ABHD2: variants seen among roughly 807,000 people sequenced by gnomAD.
ABHD2 encodes monoacylglycerol lipase ABHD2.
In ABHD2, 20 loss-of-function variants were observed where a neutral mutation model predicts 48.1. That is an observed-to-expected ratio of 0.42 (90% confidence interval 0.29 to 0.60). The LOEUF is 0.60. Ranked by LOEUF, ABHD2 falls within the 20% of genes least tolerant of loss-of-function variation. The pLI, the probability that ABHD2 is intolerant of heterozygous loss-of-function variation, is 0.24. For synonymous variants in ABHD2, 209 were observed against 214.2 expected, an observed-to-expected ratio of 0.98 and a Z score of 0.21; for missense variants, 405 against 550.9, an observed-to-expected ratio of 0.74 and a Z score of 2.65.
chr15:89,116,259 G>T lies in ABHD2; in HGVS notation c.-6-63G>T. 1.4e-6 allele frequency: 2 copies of T among 1,460,480 alleles called. No homozygotes were observed. The highest frequency in any genetic ancestry group is 1.3e-5 in the South Asian group (1 of 78,722). The allele number at this position is 1,460,480 out of a possible 1,614,324, so 90.5% of individuals were successfully genotyped here. A position where few individuals can be genotyped will look rare whatever the true frequency, so the allele number is the denominator to read the frequency against. On this transcript the variant is annotated intron_variant, in intron 2 of 10. Transcript: ENST00000352732. The surrounding 1 kb of genome is among the most constrained non-coding windows in gnomAD (Gnocchi z 4.6). ...CTCTTAGCCCACCATGCGTCTGTAGGGTGGTGGGCACCACCCGTCCTCACT... is the reference window on the plus strand; with the variant it reads ...CTCTTAGCCCACCATGCGTCTGTAGTGTGGTGGGCACCACCCGTCCTCACT...
the ABHD2 span, among the ~76,000 whole-genome samples, chr15:89,079,781 T>G: frequency 6.6e-6 from 1 of 152,210 alleles, no homozygotes; most frequent in African/African-American, 2.4e-5. The surrounding 1 kb of genome is among the most constrained non-coding windows in gnomAD (Gnocchi z 4.3). Flanking sequence ...ACTTCCTCCC[T>G]CCTTCTTCTA....
At chr15:89,118,692 G>A (rs1278788703) in intron 3 of ABHD2, among the ~76,000 whole-genome samples, 1 of 152,148 alleles carries the variant, frequency 6.6e-6, no homozygotes, top group Admixed American at 6.5e-5. Flanking sequence ...ATTAGAGGAA[G>A]GAAGCCATGC....
chr15:89,098,491 C>T (rs1430917465), intron 1 of ABHD2, among the ~76,000 whole-genome samples: 1 of 152,196 alleles, frequency 6.6e-6, no homozygotes, highest in African/African-American at 2.4e-5. Context: ...AGGCTTTCCA[C>T]AGTGCTAACT....
Position 89,195,053 on chromosome 15 carries a change from C to A in ABHD2, c.1082-174C>A, listed in dbSNP as rs117423216. 2.7e-4 allele frequency among the ~76,000 whole-genome samples: 41 copies of A among 152,320 alleles called. No homozygotes were observed. Among genetic ancestry groups the A allele is most frequent in the Non-Finnish European group, 5.1e-4 (35 of 68,028 alleles). On this transcript the variant is annotated intron_variant, in intron 10 of 10. Coordinates refer to ENST00000352732, the MANE Select transcript of ABHD2 (RefSeq NM_152924.5). This position sits in a 1 kb window ranked among gnomAD's most constrained non-coding sequence, Gnocchi z 5.1. ...GCTGTACTCTAAAACCTGCTAGATG[C>A]CACTGTCTTGCCTGCCCCCTCTTTG...
chr15:89,100,333 T>G lies in ABHD2; in HGVS notation c.-107+11770T>G, dbSNP rs1733861317. On this transcript the variant is annotated intron_variant, in intron 1 of 10. Coordinates refer to ENST00000352732, the MANE Select transcript of ABHD2 (RefSeq NM_152924.5). This position sits in a 1 kb window ranked among gnomAD's most constrained non-coding sequence, Gnocchi z 4.4. ...CAGGGTCTTACTCTGTCACCCAGGCTGGAGTGCAATAGTGCGATCATAGCT... is the reference window on the plus strand; with the variant it reads ...CAGGGTCTTACTCTGTCACCCAGGCGGGAGTGCAATAGTGCGATCATAGCT... Among the ~76,000 whole-genome samples the G allele has an allele frequency of 6.6e-6, 1 of 151,726 alleles. No individual in the cohort carries two copies. Among genetic ancestry groups the G allele is most frequent in the Non-Finnish European group, 1.5e-5 (1 of 67,942 alleles).
chr15:89,076,317 G>A, the ABHD2 span, among the ~76,000 whole-genome samples: 6 of 152,038 alleles, frequency 3.9e-5, no homozygotes, highest in African/African-American at 9.7e-5. Flanking sequence ...CTCAACACTC[G>A]TATCCTCATT....
the ABHD2 span, among the ~76,000 whole-genome samples, chr15:89,077,188 T>G: frequency 6.6e-6 from 1 of 152,180 alleles, no homozygotes; most frequent in African/African-American, 2.4e-5. Flanking sequence ...GTCAGGTGAC[T>G]TTTTCACACC....
Position 89,116,493 on chromosome 15 carries a change from C to T in ABHD2, c.166C>T (p.Leu56Phe). ...FQDSGLSRFL[L>F]KSCPLLTKEY... ...GGACTCGGGGCTCTCACGCTTTCTG[C>T]TCAAGTCCTGTCCTCTTCTGACCAA... Residue 56 changes from leucine (L) to phenylalanine (F), a missense_variant, in exon 3 of 11, where the codon CTC becomes TTC. Coordinates refer to ENST00000352732, the MANE Select transcript of ABHD2 (RefSeq NM_152924.5). This position sits in a 1 kb window ranked among gnomAD's most constrained non-coding sequence, Gnocchi z 4.6. 6.2e-7 allele frequency: 1 copy of T among 1,614,104 alleles called. No individual in the cohort carries two copies. Among genetic ancestry groups the T allele is most frequent in the Non-Finnish European group, 8.5e-7 (1 of 1,179,966 alleles).
the ABHD2 span, among the ~76,000 whole-genome samples, chr15:89,051,620 G>T: frequency 1.3e-5 from 2 of 152,148 alleles, no homozygotes; most frequent in Admixed American, 1.3e-4. Context: ...CGAATCATGG[G>T]GGCGGGTCTT....
intron 3 of ABHD2, among the ~76,000 whole-genome samples, chr15:89,141,034 T>C (rs962386468): frequency 6.6e-6 from 1 of 151,934 alleles, no homozygotes; most frequent in African/African-American, 2.4e-5. Context: ...AGTGGCCCGA[T>C]CATAACTCAC....
rs558090501 is a variant in ABHD2 at position 89,183,855 on chromosome 15, T to C, written c.723-1569T>C. On this transcript the variant is annotated intron_variant, in intron 6 of 10. Transcript: ENST00000352732. ...AACCAGGGTAAGAGAAAGCTGGGAT[T>C]GCCAGAGACCACTGGCTCTCTGGGT... is the stretch of plus-strand genomic sequence containing the variant. 4.6e-5 allele frequency among the ~76,000 whole-genome samples: 7 copies of C among 152,168 alleles called. No homozygotes were observed. The East Asian group carries it at 1.4e-3, about 29-fold the overall frequency.
chr15:89,058,984 T>C, the ABHD2 span, among the ~76,000 whole-genome samples: 1 of 152,262 alleles, frequency 6.6e-6, no homozygotes, highest in Middle Eastern at 3.4e-3. Context: ...GGAAAGCAGC[T>C]CCAGCGAAAG....
chr15:89,043,445 A>G, the ABHD2 span, among the ~76,000 whole-genome samples: 3,060 of 127,796 alleles, frequency 0.024, 103 homozygotes, highest in African/African-American at 0.085. Context: ...GAAGAAGAAG[A>G]AGGAGGAGGA....
In ABHD2 at chr15:89,114,232, T is replaced by C. The variant is rs1324501014; in HGVS notation, c.-7+408T>C. Among the ~76,000 whole-genome samples the C allele has an allele frequency of 6.6e-6, 1 of 152,176 alleles. No individual in the cohort carries two copies. The highest frequency in any genetic ancestry group is 1.9e-4 in the East Asian group (1 of 5,192). On this transcript the variant is annotated intron_variant, in intron 2 of 10. Transcript: ENST00000352732. The surrounding 1 kb of genome is among the most constrained non-coding windows in gnomAD (Gnocchi z 4.2). Reference sequence around the variant, plus strand: ...TATTGGGCATCTTAGTGCAGTGCTATGTACTTTTTTAGGCCACAGACCCTT... The same window carrying C: ...TATTGGGCATCTTAGTGCAGTGCTACGTACTTTTTTAGGCCACAGACCCTT...
In ABHD2 at chr15:89,146,660, G is replaced by A. The variant is rs1038064256; in HGVS notation, c.195-5017G>A. Among the ~76,000 whole-genome samples the A allele has an allele frequency of 1.3e-5, 2 of 152,058 alleles. No individual in the cohort carries two copies. Among genetic ancestry groups the A allele is most frequent in the African/African-American group, 4.8e-5 (2 of 41,390 alleles). ...TGTTTCTACTTTCAGGGAGTTAAGG[G>A]TAAAACATGCCCAGATGCTTCAACT... On this transcript the variant is annotated intron_variant, in intron 3 of 10. Transcript: ENST00000352732. The surrounding 1 kb of genome is among the most constrained non-coding windows in gnomAD (Gnocchi z 4.2).
the ABHD2 span, among the ~76,000 whole-genome samples, chr15:89,058,945 A>G: frequency 6.6e-6 from 1 of 152,140 alleles, no homozygotes; most frequent in Non-Finnish European, 1.5e-5. Context: ...CCTTAATGCA[A>G]CCTTCATCTG....
the ABHD2 span, among the ~76,000 whole-genome samples, chr15:89,075,539 C>A: frequency 6.6e-6 from 1 of 151,554 alleles, no homozygotes; most frequent in Non-Finnish European, 1.5e-5. This position sits in a 1 kb window ranked among gnomAD's most constrained non-coding sequence, Gnocchi z 4.1. Context: ...GGAGGGAAGG[C>A]TAGAGAGGGA....
At chr15:89,062,015 G>A in the ABHD2 span, among the ~76,000 whole-genome samples, 1 of 152,202 alleles carries the variant, frequency 6.6e-6, no homozygotes, top group Admixed American at 6.5e-5. Flanking sequence ...AGCTTGCAGT[G>A]AGGGAACAGT....
At chr15:89,067,210 C>T in the ABHD2 span, among the ~76,000 whole-genome samples, 1 of 152,176 alleles carries the variant, frequency 6.6e-6, no homozygotes, top group Non-Finnish European at 1.5e-5. Context: ...TCTGGAAGCC[C>T]ACACTATTTA....
Sources: allele counts gnomAD v4.1 joint callset (sites outside exome capture counted in the v4.1 genomes callset), GRCh38; gene constraint gnomAD v4.1.1; non-coding constraint Gnocchi (gnomAD v3.1); transcripts MANE v1.5; gene names NCBI Gene and HGNC (gene_info 2026-07-23, HGNC 2026-07-21).